The following TMEM41B variants were observed in gnomAD, a reference collection of about 807,000 sequenced individuals.
TMEM41B encodes the protein protein stasimon.
Under a neutral mutation model 31.9 loss-of-function variants are expected in TMEM41B, and 18 were observed. The ratio of observed to expected loss-of-function variants is 0.56; its 90% confidence interval spans 0.39 to 0.84. The LOEUF (loss-of-function observed/expected upper bound fraction) is 0.84, where lower values mean the gene tolerates loss of function less well. TMEM41B is among the 40% of genes least tolerant of loss of function. The pLI is 0.00. For synonymous variants in TMEM41B, 144 were observed against 124.3 expected, an observed-to-expected ratio of 1.16 and a Z score of -1.05; for missense variants, 322 against 348.0, an observed-to-expected ratio of 0.93 and a Z score of 0.59.
At chr11:9,285,414 A>T (rs1852815191) in intron 6 of TMEM41B, among the ~76,000 whole-genome samples, 1 of 151,936 alleles carries the variant, frequency 6.6e-6, no homozygotes, top group African/African-American at 2.4e-5. Context: ...TAAATAATTG[A>T]TTTTGGTTAT....
chr11:9,300,926 G>GAAGCAGT (rs2133635553), intron 1 of TMEM41B, among the ~76,000 whole-genome samples: 1 of 152,044 alleles, frequency 6.6e-6, no homozygotes, highest in South Asian at 2.1e-4. Context: ...TGAGATTCCA[G>GAAGCAGT]AAGCAGTAAG....
At chr11:9,303,304 A>G (rs934239011) in intron 1 of TMEM41B, among the ~76,000 whole-genome samples, 4 of 151,934 alleles carry the variant, frequency 2.6e-5, no homozygotes, top group Non-Finnish European at 5.9e-5. Context: ...ACACCCAGCT[A>G]ATTTTTATAT....
At chr11:9,300,012 G>A (rs888121702) in intron 1 of TMEM41B, among the ~76,000 whole-genome samples, 3 of 152,216 alleles carry the variant, frequency 2.0e-5, no homozygotes, top group Middle Eastern at 3.4e-3. Context: ...CCAGCTATTC[G>A]GGAGGCTGAG....
chr11:9,309,228 A>G (rs920356313), intron 1 of TMEM41B, among the ~76,000 whole-genome samples: 5 of 148,204 alleles, frequency 3.4e-5, no homozygotes, highest in African/African-American at 9.8e-5. Flanking sequence ...CCTGGGCAAA[A>G]AGAGTGAAAC....
chr11:9,297,059 A>G (rs1174009580), intron 2 of TMEM41B, among the ~76,000 whole-genome samples: 2 of 152,056 alleles, frequency 1.3e-5, no homozygotes, highest in African/African-American at 4.8e-5. Flanking sequence ...AGTAGCTGGG[A>G]CTGCAGGCAC....
intron 1 of TMEM41B, among the ~76,000 whole-genome samples, chr11:9,300,677 G>A (rs367576461): frequency 6.6e-6 from 1 of 152,016 alleles, no homozygotes; most frequent in Admixed American, 6.6e-5. Flanking sequence ...AGGAGATCGA[G>A]ACCATCCTGG....
At chr11:9,308,457 T>C (rs1450042469) in intron 1 of TMEM41B, among the ~76,000 whole-genome samples, 1 of 152,188 alleles carries the variant, frequency 6.6e-6, no homozygotes, top group Admixed American at 6.5e-5. Context: ...ATTTTCTCCC[T>C]TCTGTTGGAC....
intron 3 of TMEM41B, among the ~76,000 whole-genome samples, chr11:9,290,636 G>A (rs903302816): frequency 1.6e-4 from 25 of 152,156 alleles, no homozygotes; most frequent in Non-Finnish European, 2.4e-4. Flanking sequence ...GAAATTGAGA[G>A]AAGCAGAAAT....
chr11:9,288,622 C>A (rs10770007), intron 3 of TMEM41B, 87 bp from the exon 4 acceptor site: 417,161 of 930,780 alleles, frequency 0.45, 96,145 homozygotes, highest in East Asian at 0.51. Context: ...AGTATAAATA[C>A]AAAAATTATC....
At chr11:9,306,036 T>G (rs1853384283) in intron 1 of TMEM41B, among the ~76,000 whole-genome samples, 1 of 146,558 alleles carries the variant, frequency 6.8e-6, no homozygotes, top group African/African-American at 2.5e-5. Context: ...TGGAGTGCAG[T>G]GGTGTGATCT....
chr11:9,290,996 A>ATGC (rs1362994930), intron 3 of TMEM41B, among the ~76,000 whole-genome samples: 1 of 152,108 alleles, frequency 6.6e-6, no homozygotes, highest in African/African-American at 2.4e-5. Flanking sequence ...CATGCCTGTA[A>ATGC]TGCCAGGTAC....
At chr11:9,298,774 A>AG (rs1421835134) in intron 2 of TMEM41B, among the ~76,000 whole-genome samples, 1 of 72,050 alleles carries the variant, frequency 1.4e-5, no homozygotes, top group Non-Finnish European at 3.4e-5. Context: ...TCTCAAATGA[A>AG]GAAAAAAAAA....
chr11:9,306,571 A>G (rs1196282058), intron 1 of TMEM41B, among the ~76,000 whole-genome samples: 1 of 152,020 alleles, frequency 6.6e-6, no homozygotes, highest in Non-Finnish European at 1.5e-5. Context: ...CTGTAGTCCC[A>G]GCTACTCAGG....
In TMEM41B at chr11:9,314,392, G is replaced by A. The variant is rs752059030; in HGVS notation, c.50C>T (p.Thr17Met). ...CGCTGCCCCGTCCCCCACGGGGGTC[G>A]TGTGGTGAGCGCCCAACTGCGATCG... The part of the protein sequence containing the change: ...AERSQLGAHH[T>M]TPVGDGAAGT... Residue 17 changes from threonine to methionine, a missense_variant, in exon 1 of 7, where the codon ACG (threonine) becomes ATG (methionine). By Grantham distance (81) the Thr-to-Met change is moderately conservative. This residue lies in a region of TMEM41B where 183 missense variants were observed against 175.3 expected (regional missense o/e 1.04). Coordinates refer to ENST00000528080, the MANE Select transcript of TMEM41B (RefSeq NM_015012.4). 3 of 1,572,732 alleles carry A rather than the reference G, an allele frequency of 1.9e-6. No homozygotes were observed. Among genetic ancestry groups the A allele is most frequent in the Middle Eastern group, 1.7e-4 (1 of 6,016 alleles).
At position 9,286,436 on chromosome 11, in the gene TMEM41B, C is replaced by A; in HGVS notation, c.706+19G>T. 6.2e-7 allele frequency: 1 copy of A among 1,601,382 alleles called. No individual in the cohort carries two copies. Among genetic ancestry groups the A allele is most frequent in the South Asian group, 1.1e-5 (1 of 88,906 alleles). On this transcript the variant is annotated intron_variant, in intron 6 of 6. Transcript: ENST00000528080. ...ATGTACACAGTGAGCTCATACACAGCAAGAACCAGAGGGCTTACCTAGAAA... is the reference window on the plus strand; with the variant it reads ...ATGTACACAGTGAGCTCATACACAGAAAGAACCAGAGGGCTTACCTAGAAA...
At chr11:9,312,067 G>T (rs1281855552) in intron 1 of TMEM41B, among the ~76,000 whole-genome samples, 1 of 152,178 alleles carries the variant, frequency 6.6e-6, no homozygotes, top group African/African-American at 2.4e-5. Flanking sequence ...ATCCTGAACA[G>T]GCCAACCTCA....
Position 9,306,205 on chromosome 11 carries a change from C to A in TMEM41B, c.122-6504G>T, listed in dbSNP as rs1035581347. Among the ~76,000 whole-genome samples, 7 of 151,876 alleles carry A rather than the reference C, an allele frequency of 4.6e-5. No homozygotes were observed. In the East Asian group the frequency reaches 1.4e-3, roughly 30 times the overall value. ...TGTTGGCCAGGCTGGTCTCGAACCC[C>A]TGACCTCAGGTAATCCGCCCACCTC... On this transcript the variant is annotated intron_variant, in intron 1 of 6. Coordinates refer to ENST00000528080, the MANE Select transcript of TMEM41B (RefSeq NM_015012.4).
At chr11:9,294,314 G>A (rs1853034195) in intron 3 of TMEM41B, among the ~76,000 whole-genome samples, 1 of 151,392 alleles carries the variant, frequency 6.6e-6, no homozygotes, top group African/African-American at 2.4e-5. Flanking sequence ...GGCCAACATG[G>A]TGAAACTCCG....
chr11:9,284,037 G>A (rs1338194227), intron 6 of TMEM41B, among the ~76,000 whole-genome samples: 1 of 152,030 alleles, frequency 6.6e-6, no homozygotes, highest in Non-Finnish European at 1.5e-5. Flanking sequence ...GCCCACCTCA[G>A]CCTCCCAAAG....
Sources: gnomAD v4.1 joint callset for allele counts (sites outside exome capture counted in the v4.1 genomes callset) on GRCh38, gnomAD v4.1.1 for gene constraint, gnomAD v4.1.1 regional missense constraint, MANE v1.5 for transcripts, NCBI Gene and HGNC (gene_info 2026-07-23, HGNC 2026-07-21) for gene names.